The following TTLL11 variants were observed in gnomAD, a reference collection of about 807,000 sequenced individuals.
TTLL11 encodes the protein tubulin tyrosine ligase like 11, also known as tubulin polyglutamylase TTLL11.
TTLL11 carries 42 observed loss-of-function variants against 51.7 expected under a neutral mutation model. That is an observed-to-expected ratio of 0.81 (90% CI 0.64 to 1.05). The LOEUF (loss-of-function observed/expected upper bound fraction) is 1.05. Ranked by LOEUF, TTLL11 falls within the 50% of genes least tolerant of loss-of-function variation. The probability of loss-of-function intolerance (pLI) is 0.00; values close to 1 mark genes in which losing one functional copy is unlikely to be tolerated. For missense variants in TTLL11, 799 were observed against 940.4 expected, an observed-to-expected ratio of 0.85 and a Z score of 1.97; for synonymous variants, 381 against 383.5, an observed-to-expected ratio of 0.99 and a Z score of 0.08.
At chr9:122,010,667 T>C (rs910436301) in intron 3 of TTLL11, among the ~76,000 whole-genome samples, 9 of 152,236 alleles carry the variant, frequency 5.9e-5, no homozygotes, top group Non-Finnish European at 1.3e-4. Flanking sequence ...TTAGCTGTAT[T>C]GACAAATGTA....
intron 2 of TTLL11, among the ~76,000 whole-genome samples, chr9:122,036,158 G>C (rs1427969681): frequency 6.6e-6 from 1 of 151,946 alleles, no homozygotes; most frequent in East Asian, 2.0e-4. Context: ...AAGCCCCTAG[G>C]CTGTATTTTT....
rs559532313 is a variant in TTLL11 at position 121,870,903 on chromosome 9, C to T, written c.1482-155G>A. On this transcript the variant is annotated intron_variant, in intron 6 of 8. Transcript: ENST00000321582. ...GAGAAGTGACCTGCCCAAGCTCACA[C>T]AGCTAGCACATAGCCAAGCCAGGAC... Among the ~76,000 whole-genome samples, 148 of 152,260 alleles carry T rather than the reference C, an allele frequency of 9.7e-4. 1 individual carries two copies. The highest frequency in any genetic ancestry group is 1.4e-3 in the Non-Finnish European group (95 of 68,020).
At chr9:121,831,939 C>T (rs148452800) in intron 8 of TTLL11, among the ~76,000 whole-genome samples, 46 of 152,220 alleles carry the variant, frequency 3.0e-4, no homozygotes, top group African/African-American at 1.1e-3. Flanking sequence ...GGTGCCAGCA[C>T]GGTCATGTTC....
intron 4 of TTLL11, among the ~76,000 whole-genome samples, chr9:121,985,513 C>CTTTTTTTTTTTT (rs71371908): frequency 2.1e-5 from 2 of 97,284 alleles, no homozygotes; most frequent in Non-Finnish European, 4.0e-5. Context: ...ATTTTCTTTT[C>CTTTTTTTTTTTT]TTTTTTTTTT....
intron 6 of TTLL11, among the ~76,000 whole-genome samples, chr9:121,923,856 G>A (rs1219306992): frequency 1.3e-5 from 2 of 152,146 alleles, no homozygotes; most frequent in Admixed American, 1.3e-4. Flanking sequence ...GAAGTGATAT[G>A]GTTTGGCTGT....
chr9:122,065,444 A>G (rs1214521727), intron 1 of TTLL11, among the ~76,000 whole-genome samples: 1 of 152,226 alleles, frequency 6.6e-6, no homozygotes, highest in Non-Finnish European at 1.5e-5. Context: ...TTCTTAGCAT[A>G]GGTTATGTGA....
At chr9:122,090,111 C>T (rs1319544114) in intron 1 of TTLL11, among the ~76,000 whole-genome samples, 1 of 151,918 alleles carries the variant, frequency 6.6e-6, no homozygotes, top group South Asian at 2.1e-4. Context: ...GCAACAGTCT[C>T]ATGTAGATCA....
At chr9:121,897,640 A>ACACACACACACACACACACACACACG (rs111331446) in intron 6 of TTLL11, among the ~76,000 whole-genome samples, 7,747 of 138,632 alleles carry the variant, frequency 0.056, 370 homozygotes, top group East Asian at 0.14. Context: ...ACACACACAC[A>ACACACACACACACACACACACACACG]CGCGCGCGCG....
chr9:121,825,598 C>T (rs1043354268), intron 8 of TTLL11, among the ~76,000 whole-genome samples: 2 of 152,198 alleles, frequency 1.3e-5, no homozygotes, highest in Admixed American at 1.3e-4. Context: ...CTCTGCTCTG[C>T]AAAGCCCTTC....
chr9:121,907,733 A>T (rs558530391), intron 6 of TTLL11, among the ~76,000 whole-genome samples: 2 of 152,258 alleles, frequency 1.3e-5, no homozygotes, highest in East Asian at 3.9e-4. Context: ...AATCCACTAA[A>T]TCTTACTACA....
chr9:122,004,851 C>T lies in TTLL11; in HGVS notation c.694-15081G>A, dbSNP rs565917261. On this transcript the variant is annotated intron_variant, in intron 3 of 8. Coordinates refer to ENST00000321582, the MANE Select transcript of TTLL11 (RefSeq NM_001139442.2). ...CTCACACTTGAGTAGTCTTTGCCTT[C>T]CTACTGTAATAAAAGCTCCACAAAG... Among the ~76,000 whole-genome samples the T allele has an allele frequency of 5.9e-5, 9 of 152,338 alleles. No homozygotes were observed. In the South Asian group the frequency reaches 8.3e-4, roughly 14 times the overall value.
At chr9:121,918,134 T>C (rs1840406781) in intron 6 of TTLL11, among the ~76,000 whole-genome samples, 1 of 152,142 alleles carries the variant, frequency 6.6e-6, no homozygotes, top group South Asian at 2.1e-4. Context: ...TCAGATTTGC[T>C]GAGCTGCTGG....
chr9:121,881,909 T>C (rs1047182347), intron 6 of TTLL11, among the ~76,000 whole-genome samples: 2 of 152,146 alleles, frequency 1.3e-5, no homozygotes, highest in African/African-American at 4.8e-5. Flanking sequence ...AGAGCCAGAA[T>C]GAGTGGGTTG....
At chr9:121,942,123 G>GT (rs1564317447) in intron 6 of TTLL11, among the ~76,000 whole-genome samples, 1 of 152,084 alleles carries the variant, frequency 6.6e-6, no homozygotes, top group East Asian at 1.9e-4. Context: ...CTGCCATTCA[G>GT]CCCCCAGCAT....
rs532529404 is a variant in TTLL11 at position 121,844,162 on chromosome 9, C to A, written c.1840+16175G>T. Among the ~76,000 whole-genome samples, 16 of 152,298 alleles carry A rather than the reference C, an allele frequency of 1.1e-4. No individual in the cohort carries two copies. The South Asian group carries it at 2.9e-3, about 28-fold the overall frequency. On this transcript the variant is annotated intron_variant, in intron 8 of 8. Transcript: ENST00000321582. ...TTAATCTCAAGATTGTAAAATGTTTCTCTACCCAGCACCTTATCACCACAT... is the reference window on the plus strand; with the variant it reads ...TTAATCTCAAGATTGTAAAATGTTTATCTACCCAGCACCTTATCACCACAT...
At chr9:121,971,187 G>A (rs1184435367) in intron 6 of TTLL11, among the ~76,000 whole-genome samples, 1 of 96,624 alleles carries the variant, frequency 1.0e-5, no homozygotes. Flanking sequence ...CCCCCCGCCC[G>A]GCCAGCCGCC....
chr9:121,901,629 T>C (rs1034947027), intron 6 of TTLL11, among the ~76,000 whole-genome samples: 1 of 152,096 alleles, frequency 6.6e-6, no homozygotes, highest in African/African-American at 2.4e-5. Context: ...CACTGGTAAG[T>C]ATCCCTATAT....
chr9:121,925,803 T>G (rs1006254139), intron 6 of TTLL11, among the ~76,000 whole-genome samples: 2 of 152,154 alleles, frequency 1.3e-5, no homozygotes, highest in Non-Finnish European at 2.9e-5. Flanking sequence ...AATGAATGAA[T>G]GGCAGTGCCC....
chr9:122,040,377 G>A lies in TTLL11; in HGVS notation c.463-1009C>T, dbSNP rs1844817042. 3.0e-6 allele frequency: 3 copies of A among 985,000 alleles called. No individual in the cohort carries two copies. In the East Asian group the frequency reaches 3.4e-4, roughly 112 times the overall value. 61.0% of individuals were successfully genotyped at this position (985,000 alleles called of 1,614,324 possible). On this transcript the variant is annotated intron_variant, in intron 1 of 8. Coordinates refer to ENST00000321582, the MANE Select transcript of TTLL11 (RefSeq NM_001139442.2). ...TTGAAGCCAGAAAATTTCTCACCGA[G>A]ACAAAAGGGCCTGTTCTTTCCACTA...
Sources: gnomAD v4.1 joint callset for allele counts (sites outside exome capture counted in the v4.1 genomes callset) on GRCh38, gnomAD v4.1.1 for gene constraint, MANE v1.5 for transcripts, NCBI Gene and HGNC (gene_info 2026-07-23, HGNC 2026-07-21) for gene names.